CNTNAP2: variants seen among roughly 807,000 people sequenced by gnomAD.
CNTNAP2 encodes the protein contactin-associated protein-like 2.
Under a neutral mutation model 155.2 loss-of-function variants are expected in CNTNAP2, and 98 were observed. The observed-to-expected ratio is 0.63, with a 90% CI of 0.54 to 0.75. The LOEUF is 0.75. Ranked by LOEUF, CNTNAP2 falls within the 30% of genes least tolerant of loss-of-function variation. The pLI is 0.00. For missense variants in CNTNAP2, 1,727 were observed against 1,688.1 expected, an observed-to-expected ratio of 1.02 and a Z score of -0.40; for synonymous variants, 651 against 631.2, an observed-to-expected ratio of 1.03 and a Z score of -0.47.
At chr7:147,792,518 A>C (rs892585840) in intron 13 of CNTNAP2, among the ~76,000 whole-genome samples, 1 of 151,760 alleles carries the variant, frequency 6.6e-6, no homozygotes, top group Non-Finnish European at 1.5e-5. Context: ...GTGTGTGTAT[A>C]TATATATATC....
At chr7:146,265,982 C>T (rs1799988045) in intron 1 of CNTNAP2, among the ~76,000 whole-genome samples, 1 of 151,648 alleles carries the variant, frequency 6.6e-6, no homozygotes, top group South Asian at 2.1e-4. Flanking sequence ...ACAAATTTGC[C>T]CTCTCCCAGC....
intron 13 of CNTNAP2, among the ~76,000 whole-genome samples, chr7:147,862,401 T>C (rs1178529992): frequency 3.9e-5 from 1 of 25,372 alleles, no homozygotes; most frequent in Admixed American, 2.6e-4. Context: ...AAATTTCCTA[T>C]AACATGCATC....
Position 146,979,287 on chromosome 7 carries a change from C to A in CNTNAP2, c.403-64620C>A, listed in dbSNP as rs150430234. ...CCTCGTCTTATACTGTGTATGATAG[C>A]CACACTGGCCGCCTTCTATTTTTAC... On this transcript the variant is annotated intron_variant, in intron 3 of 23. Coordinates refer to ENST00000361727, the MANE Select transcript of CNTNAP2 (RefSeq NM_014141.6). Among the ~76,000 whole-genome samples the A allele has an allele frequency of 1.8e-3, 267 of 152,248 alleles. 2 individuals are homozygous for A. The East Asian group carries it at 0.021, about 12-fold the overall frequency.
At chr7:146,947,562 TATATATATATATAC>T (rs1337149735) in intron 3 of CNTNAP2, among the ~76,000 whole-genome samples, 41 of 27,572 alleles carry the variant, frequency 1.5e-3, no homozygotes, top group African/African-American at 3.0e-3. Context: ...TGTGTGTATA[TATATATATATATAC>T]ATATATATAT....
chr7:147,399,149 G>A (rs530062024), intron 10 of CNTNAP2, among the ~76,000 whole-genome samples: 21 of 152,188 alleles, frequency 1.4e-4, no homozygotes, highest in African/African-American at 3.9e-4. Flanking sequence ...GGCAAGTTTC[G>A]GGAGGTCAAG....
chr7:147,788,714 C>T lies in CNTNAP2; in HGVS notation c.2099-114851C>T, dbSNP rs1342689214. On this transcript the variant is annotated intron_variant, in intron 13 of 23. Coordinates refer to ENST00000361727, the MANE Select transcript of CNTNAP2 (RefSeq NM_014141.6). ...CCCTTCAGAAACCTCATCAGCATCT[C>T]GATACTGGCATGGCCTGACCTGCCT... Among the ~76,000 whole-genome samples, 8 of 151,976 alleles carry T rather than the reference C, an allele frequency of 5.3e-5. No homozygotes were observed. In the East Asian group the frequency reaches 1.4e-3, roughly 26 times the overall value.
Position 146,207,637 on chromosome 7 carries a change from G to GTTTTTTTTTTTTT in CNTNAP2, c.97+90674_97+90686dup, listed in dbSNP as rs57881187. Reference sequence around the variant, plus strand: ...CTTTCTTCAAACAGAACAGGACTGTGTTTTTTTTTTTTTTTTTTTTTTAAC... The same window carrying GTTTTTTTTTTTTT: ...CTTTCTTCAAACAGAACAGGACTGTGTTTTTTTTTTTTTTTTTTTTTTTTTTTTTTTTTTTAAC... On this transcript the variant is annotated intron_variant, in intron 1 of 23. Transcript: ENST00000361727. Among the ~76,000 whole-genome samples the GTTTTTTTTTTTTT allele has an allele frequency of 1.1e-4, 13 of 122,364 alleles. 1 individual carries two copies. The highest frequency in any genetic ancestry group is 1.0e-4 in the Non-Finnish European group (6 of 58,606). 80.3% of individuals were successfully genotyped at this position (122,364 alleles called of 152,430 possible).
chr7:147,382,237 G>C (rs778947684), intron 9 of CNTNAP2, among the ~76,000 whole-genome samples: 1 of 152,080 alleles, frequency 6.6e-6, no homozygotes, highest in Non-Finnish European at 1.5e-5. Flanking sequence ...TCTTGAACAG[G>C]AGCATAACAG....
At chr7:147,107,282 C>A (rs979205265) in intron 4 of CNTNAP2, among the ~76,000 whole-genome samples, 1 of 152,030 alleles carries the variant, frequency 6.6e-6, no homozygotes, top group African/African-American at 2.4e-5. Context: ...ATTTTTATTT[C>A]TGGTGTGAAA....
At chr7:147,156,157 C>T (rs536366026) in intron 8 of CNTNAP2, among the ~76,000 whole-genome samples, 1 of 152,094 alleles carries the variant, frequency 6.6e-6, no homozygotes, top group African/African-American at 2.4e-5. Context: ...TCATACCCAG[C>T]ATCACAAAGC....
chr7:147,147,165 G>A (rs1046186537), intron 8 of CNTNAP2, among the ~76,000 whole-genome samples: 2 of 152,066 alleles, frequency 1.3e-5, no homozygotes, highest in Admixed American at 6.5e-5. Flanking sequence ...AGTGAGTAGC[G>A]AAGGGGAAAG....
intron 3 of CNTNAP2, among the ~76,000 whole-genome samples, chr7:146,878,292 C>G (rs1233662551): frequency 1.3e-5 from 2 of 151,792 alleles, no homozygotes; most frequent in African/African-American, 4.8e-5. Context: ...GTGGCAAACC[C>G]TGGGAGGAGA....
At chr7:147,179,879 AG>A (rs34648818) in intron 8 of CNTNAP2, among the ~76,000 whole-genome samples, 12,486 of 152,246 alleles carry the variant, frequency 0.082, 534 homozygotes, top group Middle Eastern at 0.11. Flanking sequence ...ATTTTTGAGA[AG>A]AAAATGTTTG....
chr7:148,244,687 C>G (rs112626494), intron 20 of CNTNAP2, among the ~76,000 whole-genome samples: 5,436 of 151,482 alleles, frequency 0.036, 343 homozygotes, highest in African/African-American at 0.13. Flanking sequence ...CTCAGCCTCC[C>G]GAGTAGCTGG....
intron 1 of CNTNAP2, among the ~76,000 whole-genome samples, chr7:146,157,804 G>A (rs1024336157): frequency 6.6e-6 from 1 of 152,164 alleles, no homozygotes; most frequent in Non-Finnish European, 1.5e-5. Context: ...CTCCACTTCT[G>A]GGGGCAGGGC....
intron 22 of CNTNAP2, among the ~76,000 whole-genome samples, chr7:148,389,343 A>C (rs1010955701): frequency 2.0e-5 from 3 of 152,160 alleles, no homozygotes; most frequent in African/African-American, 7.2e-5. Flanking sequence ...TGGTTTTATA[A>C]AGGGGAGTTT....
rs1486907717 is a variant in CNTNAP2 at position 146,450,985 on chromosome 7, C to T, written c.98-323286C>T. Among the ~76,000 whole-genome samples, 5 of 149,280 alleles carry T rather than the reference C, an allele frequency of 3.3e-5. 1 individual carries two copies. Among genetic ancestry groups the T allele is most frequent in the Admixed American group, 1.3e-4 (2 of 15,076 alleles). On this transcript the variant is annotated intron_variant, in intron 1 of 23. Transcript: ENST00000361727. ...TATTTGAGACGGAGTCTTGCCCTGT[C>T]GTCCAGGCTGGAGTGCAGTGGCGTG...
chr7:146,908,945 A>G (rs1796210197), intron 3 of CNTNAP2, among the ~76,000 whole-genome samples: 1 of 148,812 alleles, frequency 6.7e-6, no homozygotes, highest in Admixed American at 6.6e-5. Context: ...AATCAAATAG[A>G]CACAATAAAA....
chr7:146,831,762 CAGTT>C (rs889323203), intron 2 of CNTNAP2, among the ~76,000 whole-genome samples: 13 of 149,120 alleles, frequency 8.7e-5, no homozygotes, highest in East Asian at 4.0e-4. Context: ...TGTCTATACT[CAGTT>C]AGTAGTTTTG....
Sources: gnomAD v4.1 joint callset for allele counts (sites outside exome capture counted in the v4.1 genomes callset) on GRCh38, gnomAD v4.1.1 for gene constraint, MANE v1.5 for transcripts, NCBI Gene and HGNC (gene_info 2026-07-23, HGNC 2026-07-21) for gene names.